SH3TC2: variants seen among roughly 807,000 people sequenced by gnomAD.
SH3TC2 encodes SH3 domain and tetratricopeptide repeats 2.
SH3TC2 carries 87 observed loss-of-function variants against 124.5 expected under a neutral mutation model. That is an observed-to-expected ratio of 0.70 (90% CI 0.59 to 0.84). SH3TC2 has a LOEUF of 0.84. SH3TC2 is among the 40% of genes least tolerant of loss of function. SH3TC2 has a pLI of 0.00. For missense variants in SH3TC2, 1,536 were observed against 1,566.4 expected (o/e 0.98, Z 0.33); for synonymous variants, 634 against 628.5 (o/e 1.01, Z -0.13).
At chr5:149,024,729 C>A (rs1754035330) in intron 12 of SH3TC2, among the ~76,000 whole-genome samples, 1 of 152,194 alleles carries the variant, frequency 6.6e-6, no homozygotes, top group Non-Finnish European at 1.5e-5. Flanking sequence ...CCAGTAACTT[C>A]TTGGGCCATC....
chr5:148,987,675 G>C lies in SH3TC2; in HGVS notation c.*17036C>G, dbSNP rs75086059. Among the ~76,000 whole-genome samples the C allele has an allele frequency of 0.17, 25,499 of 152,128 alleles. 2,481 individuals carry two copies. The highest frequency in any genetic ancestry group is 0.24 in the East Asian group (1,259 of 5,176). On this transcript the variant is annotated 3_prime_UTR_variant, in exon 17 of 17. Transcript: ENST00000515425. The stretch of plus-strand genomic sequence containing the variant: ...CAGAAACAAAGGGAAACCTTATAAC[G>C]AGTGTGGTGGAGTGATTCAGTGAAG...
rs551174827 is a variant in SH3TC2 at position 149,001,043 on chromosome 5, G to A, written c.*3668C>T. Among the ~76,000 whole-genome samples the A allele has an allele frequency of 2.0e-5, 3 of 151,990 alleles. No homozygotes were observed. Among genetic ancestry groups the A allele is most frequent in the Non-Finnish European group, 4.4e-5 (3 of 67,980 alleles). ...TATCAAAATCAAGACCAAAATACAG[G>A]TTCCCTTTAGTGATAGGCTTCCTGA... On this transcript the variant is annotated 3_prime_UTR_variant, in exon 17 of 17. Coordinates refer to ENST00000515425, the MANE Select transcript of SH3TC2 (RefSeq NM_024577.4).
At chr5:149,043,853 T>A (rs1754412950) in intron 4 of SH3TC2, 1 of 153,246 alleles carries the variant, frequency 6.5e-6, no homozygotes. Flanking sequence ...TCTGTCCTTG[T>A]GTATGTCGGC....
chr5:148,999,135 G>A lies in SH3TC2; in HGVS notation c.*5576C>T, dbSNP rs886060168. The stretch of plus-strand genomic sequence containing the variant: ...GAAGCTTAAAGAGGTAAAGTAAGTT[G>A]CTCAGGTCACTCAGTGATGAAAAGG... On this transcript the variant is annotated 3_prime_UTR_variant, in exon 17 of 17. Transcript: ENST00000515425. Among the ~76,000 whole-genome samples the A allele has an allele frequency of 2.6e-5, 4 of 152,330 alleles. No individual in the cohort carries two copies. The East Asian group carries it at 7.7e-4, about 29-fold the overall frequency.
In SH3TC2 at chr5:149,002,932, T is replaced by C. The variant is rs1474779620; in HGVS notation, c.*1779A>G. ...CAGTGGTGCTTCCCATACTTTAGGG[T>C]GCATTAAAATCACCAGGAAAGCTTG... On this transcript the variant is annotated 3_prime_UTR_variant, in exon 17 of 17. Transcript: ENST00000515425. 6.5e-6 allele frequency: 1 copy of C among 152,812 alleles called. No individual in the cohort carries two copies. The allele number at this position is 152,812 out of a possible 1,614,324, so 9.5% of individuals were successfully genotyped here.
chr5:149,033,700 G>A (rs553122634), intron 8 of SH3TC2, among the ~76,000 whole-genome samples: 76 of 152,252 alleles, frequency 5.0e-4, no homozygotes, highest in African/African-American at 1.8e-3. Flanking sequence ...CCTACCTGCC[G>A]AGAACACACT....
At position 149,028,102 on chromosome 5, in the gene SH3TC2, G is replaced by T; in HGVS notation, c.1630C>A (p.Leu544Ile). Residue 544 changes from leucine to isoleucine, a missense_variant, in exon 11 of 17, where the codon CTC becomes ATC. Leu to Ile is a conservative substitution (Grantham distance 5). This residue lies in a region of SH3TC2 where 1,102 missense variants were observed against 1,098.6 expected (regional missense o/e 1.00). Coordinates refer to ENST00000515425, the MANE Select transcript of SH3TC2 (RefSeq NM_024577.4). ...LGRLSIRKVK[L>I]SQARVYFEEA... ...TCGAAGTACACCCTGGCCTGAGAGA[G>T]TTTGACCTTCCTGATGCTCAGCCGG... The T allele has an allele frequency of 6.2e-7, 1 of 1,614,126 alleles. No individual in the cohort carries two copies. The highest frequency in any genetic ancestry group is 8.5e-7 in the Non-Finnish European group (1 of 1,180,046).
chr5:149,031,687 C>T lies in SH3TC2; in HGVS notation c.1002G>A (p.Met334Ile). ...RNIDPDSYSP[M>I]SRNSAFLSDE... ...CACTGAGAAAGGCAGAGTTCCTGCT[C>T]CTGCATCGGGGCAAAAAACACAGAG... The change falls in exon 9 of 17, where the codon ATG becomes ATA. Residue 334 changes from methionine (M) to isoleucine (I), a missense_variant and splice_region_variant. Physicochemically the swap from Met to Ile is conservative, Grantham distance 10. Around this residue, in one of 3 missense-constraint regions of SH3TC2, gnomAD observed 1,102 missense variants for 1,098.6 expected, o/e 1.00. Transcript: ENST00000515425. 6.2e-7 allele frequency: 1 copy of T among 1,614,034 alleles called. No individual in the cohort carries two copies. Among genetic ancestry groups the T allele is most frequent in the Non-Finnish European group, 8.5e-7 (1 of 1,180,018 alleles).
chr5:149,026,956 AC>A lies in SH3TC2; in HGVS notation c.2775del (p.Trp925CysfsTer12). 1 of 1,614,176 alleles carries A rather than the reference AC, an allele frequency of 6.2e-7. No individual in the cohort carries two copies. Among genetic ancestry groups the A allele is most frequent in the South Asian group, 1.1e-5 (1 of 91,088 alleles). ...TDMELVQVFL[W>X]LAQVLVSGHQ... ...TGTCCAGACACCAGAACTTGGGCCA[AC>A]CAGAGAAACACCTGTACTAATTCCA... On this transcript the variant is annotated frameshift_variant, in exon 11 of 17. Coordinates refer to ENST00000515425, the MANE Select transcript of SH3TC2 (RefSeq NM_024577.4). LOFTEE classifies it high-confidence loss of function.
rs1454107060 is a variant in SH3TC2 at position 149,001,111 on chromosome 5, C to A, written c.*3600G>T. Among the ~76,000 whole-genome samples, 1 of 152,084 alleles carries A rather than the reference C, an allele frequency of 6.6e-6. No individual in the cohort carries two copies. The highest frequency in any genetic ancestry group is 6.5e-5 in the Admixed American group (1 of 15,270). On this transcript the variant is annotated 3_prime_UTR_variant, in exon 17 of 17. Coordinates refer to ENST00000515425, the MANE Select transcript of SH3TC2 (RefSeq NM_024577.4). Reference sequence around the variant, plus strand: ...CTCCATTCCTGCATATTCCCTTCCCCAAATAAACTTCTGCCAAATGAGGTG... The same window carrying A: ...CTCCATTCCTGCATATTCCCTTCCCAAAATAAACTTCTGCCAAATGAGGTG...
chr5:149,029,935 C>A (rs1754155447), intron 9 of SH3TC2, among the ~76,000 whole-genome samples: 2 of 152,146 alleles, frequency 1.3e-5, no homozygotes, highest in African/African-American at 2.4e-5. Context: ...CTCTAGTGAA[C>A]TTTGAGGACC....
rs1753331457 is a variant in SH3TC2 at position 148,986,379 on chromosome 5, C to A, written c.*18332G>T. On this transcript the variant is annotated 3_prime_UTR_variant, in exon 17 of 17. Coordinates refer to ENST00000515425, the MANE Select transcript of SH3TC2 (RefSeq NM_024577.4). ...GAACCTTAGAGATCTTCCATTAGGTCCCAGCTCTAAATGATAGACTTAGTG... is the reference window on the plus strand; with the variant it reads ...GAACCTTAGAGATCTTCCATTAGGTACCAGCTCTAAATGATAGACTTAGTG... 6.6e-6 allele frequency among the ~76,000 whole-genome samples: 1 copy of A among 152,124 alleles called. No individual in the cohort carries two copies. Among genetic ancestry groups the A allele is most frequent in the Admixed American group, 6.6e-5 (1 of 15,262 alleles).
Position 149,040,621 on chromosome 5 carries a change from G to T in SH3TC2, c.788C>A (p.Thr263Lys), listed in dbSNP as rs752326784. ...AGCCATACCAATCTGATAGGAGCCTGTCCAATCCCTCTTCCTGGAAAGGCC... is the reference window on the plus strand; with the variant it reads ...AGCCATACCAATCTGATAGGAGCCTTTCCAATCCCTCTTCCTGGAAAGGCC... ...SCGLSRKRDWTGSYQIGRGRC... is the reference protein window; with the variant it reads ...SCGLSRKRDWKGSYQIGRGRC... Residue 263 changes from threonine to lysine, a missense_variant, in exon 7 of 17, where the codon ACA (threonine) becomes AAA (lysine). Physicochemically the swap from Thr to Lys is moderately conservative, Grantham distance 78 (BLOSUM62 -1). Coordinates refer to ENST00000515425, the MANE Select transcript of SH3TC2 (RefSeq NM_024577.4). 6.2e-7 allele frequency: 1 copy of T among 1,614,004 alleles called. No individual in the cohort carries two copies. Among genetic ancestry groups the T allele is most frequent in the South Asian group, 1.1e-5 (1 of 91,080 alleles).
rs1396155884 is a variant in SH3TC2 at position 148,988,552 on chromosome 5, A to T, written c.*16159T>A. Among the ~76,000 whole-genome samples, 1 of 152,202 alleles carries T rather than the reference A, an allele frequency of 6.6e-6. No individual in the cohort carries two copies. The highest frequency in any genetic ancestry group is 1.5e-5 in the Non-Finnish European group (1 of 68,034). ...CACCATGCTGTAAGACGGCCAAGCC[A>T]CATGGAGTCGACATGGCTCACGGCT... On this transcript the variant is annotated 3_prime_UTR_variant, in exon 17 of 17. Transcript: ENST00000515425.
chr5:149,034,780 A>G (rs1414403698), intron 8 of SH3TC2, among the ~76,000 whole-genome samples: 1 of 152,186 alleles, frequency 6.6e-6, no homozygotes, highest in Non-Finnish European at 1.5e-5. Context: ...ACAAAAATCA[A>G]TAAAGATGGT....
Position 149,027,864 on chromosome 5 carries a change from C to T in SH3TC2, c.1868G>A (p.Gly623Glu). The T allele has an allele frequency of 1.2e-6, 2 of 1,613,920 alleles. No individual in the cohort carries two copies. The highest frequency in any genetic ancestry group is 1.7e-6 in the Non-Finnish European group (2 of 1,180,028). ...CAGCGGGCTGCTGCCCACCACAATC[C>T]CCTGGCGCAGCACGTAGGCCACCAC... ...LDVVAYVLRQ[G>E]IVVGSSPLEA... The change falls in exon 11 of 17, where the codon GGG becomes GAG. Residue 623 changes from glycine to glutamate, a missense_variant. Gly to Glu is a moderately conservative substitution (Grantham distance 98). This residue lies in a region of SH3TC2 where 1,102 missense variants were observed against 1,098.6 expected (regional missense o/e 1.00). Transcript: ENST00000515425.
chr5:149,042,207 C>T (rs886799532), intron 5 of SH3TC2, among the ~76,000 whole-genome samples: 1 of 152,182 alleles, frequency 6.6e-6, no homozygotes, highest in Admixed American at 6.5e-5. Context: ...GGGACTCTCA[C>T]CTATAAACAG....
intron 1 of SH3TC2, among the ~76,000 whole-genome samples, chr5:149,055,581 C>T (rs557665368): frequency 9.5e-4 from 145 of 152,134 alleles, no homozygotes; most frequent in South Asian, 3.3e-3. Context: ...GAATATACTG[C>T]AAGTGTGAAG....
chr5:149,010,456 G>A, intron 13 of SH3TC2, 64 bp from the exon 14 acceptor site: 2 of 1,607,664 alleles, frequency 1.2e-6, no homozygotes, highest in East Asian at 2.2e-5. Context: ...CACAGGACTG[G>A]CAGAGCTAAG....
Sources: allele counts gnomAD v4.1 joint callset (sites outside exome capture counted in the v4.1 genomes callset), GRCh38; gene constraint gnomAD v4.1.1; regional missense constraint gnomAD v4.1.1; transcripts MANE v1.5; gene names NCBI Gene and HGNC (gene_info 2026-07-23, HGNC 2026-07-21).